INPP4A: variants seen among roughly 807,000 people sequenced by gnomAD.
INPP4A encodes the protein inositol polyphosphate-4-phosphatase, type I, 107kD.
A neutral mutation model predicts 119.8 loss-of-function variants in INPP4A; 33 were observed. The observed-to-expected ratio is 0.28, with a 90% CI of 0.21 to 0.37. The LOEUF (loss-of-function observed/expected upper bound fraction) is 0.37. INPP4A is among the 10% of genes least tolerant of loss of function. The probability of loss-of-function intolerance (pLI) is 1.00; values close to 1 mark genes in which losing one functional copy is unlikely to be tolerated. For synonymous variants in INPP4A, 496 were observed against 500.7 expected, an observed-to-expected ratio of 0.99 and a Z score of 0.12; for missense variants, 956 against 1,289.9, an observed-to-expected ratio of 0.74 and a Z score of 3.97.
chr2:98,455,016 A>T (rs577269918), intron 1 of INPP4A, among the ~76,000 whole-genome samples: 1 of 152,182 alleles, frequency 6.6e-6, no homozygotes. Context: ...ACAGAACCCA[A>T]TGTTTTAAAA....
chr2:98,459,080 A>T (rs550995042), intron 1 of INPP4A, among the ~76,000 whole-genome samples: 1 of 152,358 alleles, frequency 6.6e-6, no homozygotes, highest in East Asian at 1.9e-4. Flanking sequence ...CCAAGTCAGG[A>T]TTGCATAGTG....
intron 1 of INPP4A, among the ~76,000 whole-genome samples, chr2:98,517,444 G>A (rs1012533889): frequency 2.0e-5 from 3 of 152,106 alleles, no homozygotes; most frequent in African/African-American, 7.2e-5. Context: ...GTTTTCCAGC[G>A]CGGGTGACTA....
At chr2:98,490,440 T>C (rs78003692) in intron 1 of INPP4A, among the ~76,000 whole-genome samples, 13 of 152,124 alleles carry the variant, frequency 8.5e-5, no homozygotes, top group African/African-American at 2.9e-4. Context: ...GGAGGAGCTG[T>C]GTCCATCCCT....
intron 1 of INPP4A, among the ~76,000 whole-genome samples, chr2:98,459,659 A>G (rs1264758556): frequency 6.6e-6 from 1 of 152,216 alleles, no homozygotes; most frequent in Admixed American, 6.5e-5. Context: ...GGGCTGTCAT[A>G]AGACTTAAGC....
intron 1 of INPP4A, among the ~76,000 whole-genome samples, chr2:98,513,035 AG>A (rs1685428155): frequency 2.0e-5 from 3 of 152,334 alleles, no homozygotes; most frequent in African/African-American, 7.2e-5. Context: ...TTTGTTTGAA[AG>A]AAAAAAAAAT....
chr2:98,584,142 TG>T (rs558942196), intron 24 of INPP4A, among the ~76,000 whole-genome samples: 46 of 152,388 alleles, frequency 3.0e-4, no homozygotes, highest in African/African-American at 9.6e-4. Flanking sequence ...GGCAGTGTCC[TG>T]TCCAGCCTGT....
chr2:98,462,118 G>A (rs906399001), intron 1 of INPP4A, among the ~76,000 whole-genome samples: 4 of 152,332 alleles, frequency 2.6e-5, no homozygotes, highest in Admixed American at 2.6e-4. Context: ...GCAGTTAATG[G>A]TTAGATACTA....
chr2:98,494,624 T>TA (rs796986081), intron 1 of INPP4A, among the ~76,000 whole-genome samples: 2,453 of 134,270 alleles, frequency 0.018, 45 homozygotes, highest in African/African-American at 0.042. Context: ...AAGGGTGTTC[T>TA]AAAAAAAAAA....
intron 1 of INPP4A, among the ~76,000 whole-genome samples, chr2:98,477,766 T>G (rs1677557301): frequency 6.6e-6 from 1 of 152,216 alleles, no homozygotes; most frequent in African/African-American, 2.4e-5. Flanking sequence ...CTCCCTGCCC[T>G]GTGTGGGTCT....
At chr2:98,479,865 G>C (rs757042703) in intron 1 of INPP4A, among the ~76,000 whole-genome samples, 4 of 152,208 alleles carry the variant, frequency 2.6e-5, no homozygotes, top group Non-Finnish European at 4.4e-5. Flanking sequence ...ACAGGGGTCA[G>C]CTCTCCCTTG....
intron 17 of INPP4A, among the ~76,000 whole-genome samples, chr2:98,561,811 G>GTA (rs1307457665): frequency 6.6e-6 from 1 of 152,218 alleles, no homozygotes; most frequent in Non-Finnish European, 1.5e-5. Context: ...TCTTAGAGAA[G>GTA]GATAGTCTTA....
intron 1 of INPP4A, among the ~76,000 whole-genome samples, chr2:98,488,288 G>A (rs1045287852): frequency 6.6e-6 from 1 of 152,112 alleles, no homozygotes; most frequent in African/African-American, 2.4e-5. Context: ...TGTAGTCTTA[G>A]AAATCAAGAT....
intron 1 of INPP4A, among the ~76,000 whole-genome samples, chr2:98,507,713 G>A (rs1050606388): frequency 6.6e-6 from 1 of 152,186 alleles, no homozygotes; most frequent in Non-Finnish European, 1.5e-5. Context: ...TGGCTCATTT[G>A]CAGAGTGGGA....
intron 1 of INPP4A, among the ~76,000 whole-genome samples, chr2:98,515,464 G>A (rs146269159): frequency 2.8e-4 from 43 of 151,728 alleles, no homozygotes; most frequent in South Asian, 8.3e-4. Context: ...GACGGGATCC[G>A]GTGGGTGGGG....
At chr2:98,567,195 G>T (rs1696620737) in intron 21 of INPP4A, among the ~76,000 whole-genome samples, 1 of 152,204 alleles carries the variant, frequency 6.6e-6, no homozygotes, top group South Asian at 2.1e-4. Flanking sequence ...CAGGCCAGAG[G>T]TGGGAACCTG....
At chr2:98,464,803 G>A (rs535565548) in intron 1 of INPP4A, among the ~76,000 whole-genome samples, 2 of 152,350 alleles carry the variant, frequency 1.3e-5, no homozygotes, top group East Asian at 1.9e-4. Context: ...GACAAGGCCT[G>A]TGGCAGTGTT....
intron 1 of INPP4A, among the ~76,000 whole-genome samples, chr2:98,455,946 T>A (rs1696068239): frequency 6.6e-6 from 1 of 152,202 alleles, no homozygotes; most frequent in African/African-American, 2.4e-5. Context: ...GTCCCGTGCC[T>A]TTCCTTGGCT....
intron 10 of INPP4A, among the ~76,000 whole-genome samples, chr2:98,543,428 C>A (rs560972720): frequency 2.6e-5 from 4 of 152,170 alleles, no homozygotes; most frequent in Non-Finnish European, 1.5e-5. Flanking sequence ...GATGACGAGG[C>A]AAGCAGGAGG....
At chr2:98,490,655 C>T (rs1680532261) in intron 1 of INPP4A, among the ~76,000 whole-genome samples, 1 of 152,146 alleles carries the variant, frequency 6.6e-6, no homozygotes, top group Admixed American at 6.5e-5. Context: ...TTTCCTTCCT[C>T]TCTTCTTCTG....
Sources: allele counts gnomAD v4.1 joint callset (sites outside exome capture counted in the v4.1 genomes callset), GRCh38; gene constraint gnomAD v4.1.1; transcripts MANE v1.5; gene names NCBI Gene and HGNC (gene_info 2026-07-23, HGNC 2026-07-21).